CLNK: variants seen among roughly 807,000 people sequenced by gnomAD.
CLNK encodes the protein cytokine-dependent hematopoietic cell linker.
CLNK carries 74 observed loss-of-function variants against 68.6 expected under a neutral mutation model. That is an observed-to-expected ratio of 1.08 (90% CI 0.89 to 1.31). CLNK has a LOEUF of 1.31. CLNK is among the 50% of genes most tolerant of loss of function. CLNK has a pLI of 0.00. For missense variants in CLNK, 553 were observed against 515.3 expected (o/e 1.07, Z -0.71); for synonymous variants, 198 against 172.2 (o/e 1.15, Z -1.17).
the CLNK span, among the ~76,000 whole-genome samples, chr4:10,699,963 G>T: frequency 6.0e-5 from 9 of 150,992 alleles, no homozygotes; most frequent in East Asian, 1.7e-3. Context: ...ATCTGTGGTT[G>T]GTTGAAACTT....
intron 2 of CLNK, among the ~76,000 whole-genome samples, chr4:10,652,575 A>G (rs1723788553): frequency 6.6e-6 from 1 of 152,046 alleles, no homozygotes; most frequent in South Asian, 2.1e-4. Context: ...GGCAAAATAA[A>G]CTCTTCAGGA....
chr4:10,699,512 A>ATATATATTTT, the CLNK span, among the ~76,000 whole-genome samples: 37 of 32,738 alleles, frequency 1.1e-3, no homozygotes, highest in African/African-American at 2.8e-3. Context: ...ATATATATAT[A>ATATATATTTT]TTTTTTTTTT....
At chr4:10,689,383 T>C (rs1269288883), upstream of CLNK, among the ~76,000 whole-genome samples, 1 of 152,164 alleles carries the variant, frequency 6.6e-6, no homozygotes, top group African/African-American at 2.4e-5. Flanking sequence ...AATCCTCCCA[T>C]TTAGGCCTCC....
At chr4:10,495,698 C>T (rs749227936) in intron 18 of CLNK, among the ~76,000 whole-genome samples, 5 of 152,050 alleles carry the variant, frequency 3.3e-5, no homozygotes, top group Admixed American at 2.0e-4. Flanking sequence ...CCGAGGTTAT[C>T]CCAGTAGGCC....
Position 10,532,411 on chromosome 4 carries a change from A to G in CLNK, c.603-128T>C, listed in dbSNP as rs1718581131. On this transcript the variant is annotated intron_variant, in intron 11 of 18. Transcript: ENST00000226951. Reference sequence around the variant, plus strand: ...AATTAACAGCCCATAGTCCAGTGAGATATTTATCACTCTTCCATAAAACTA... The same window carrying G: ...AATTAACAGCCCATAGTCCAGTGAGGTATTTATCACTCTTCCATAAAACTA... 7 of 718,932 alleles carry G rather than the reference A, an allele frequency of 9.7e-6. No homozygotes were observed. In the East Asian group the frequency reaches 1.6e-4, roughly 17 times the overall value. The allele number at this position is 718,932 out of a possible 1,614,324, so 44.5% of individuals were successfully genotyped here.
chr4:10,721,543 T>C, the CLNK span, among the ~76,000 whole-genome samples: 1 of 152,208 alleles, frequency 6.6e-6, no homozygotes, highest in African/African-American at 2.4e-5. Context: ...CTACACTCCT[T>C]ATAGGGAAAG....
chr4:10,633,818 A>C (rs940244730), intron 2 of CLNK, among the ~76,000 whole-genome samples: 6 of 152,236 alleles, frequency 3.9e-5, no homozygotes, highest in Non-Finnish European at 7.3e-5. Flanking sequence ...GCACTTTCAC[A>C]TACAATATTT....
chr4:10,635,152 T>C (rs1723032521), intron 2 of CLNK, among the ~76,000 whole-genome samples: 1 of 152,230 alleles, frequency 6.6e-6, no homozygotes, highest in South Asian at 2.1e-4. Flanking sequence ...AAGAATTTAG[T>C]GAGAGAATTT....
Position 10,566,255 on chromosome 4 carries a change from G to A in CLNK, c.151-105C>T, listed in dbSNP as rs1276887787. 7.1e-5 allele frequency: 78 copies of A among 1,092,708 alleles called. No individual in the cohort carries two copies. The Admixed American group carries it at 1.8e-3, about 25-fold the overall frequency. 67.7% of individuals were successfully genotyped at this position (1,092,708 alleles called of 1,614,324 possible). On this transcript the variant is annotated intron_variant, in intron 5 of 18. Coordinates refer to ENST00000226951, the MANE Select transcript of CLNK (RefSeq NM_052964.4). Reference sequence around the variant, plus strand: ...ATGGGGTAGACCTTCTTAGCTGCAAGTTAAATATTTAAGAATCTAGGGTCT... The same window carrying A: ...ATGGGGTAGACCTTCTTAGCTGCAAATTAAATATTTAAGAATCTAGGGTCT...
At chr4:10,564,319 G>A (rs1026180203) in intron 7 of CLNK, among the ~76,000 whole-genome samples, 32 of 152,142 alleles carry the variant, frequency 2.1e-4, no homozygotes, top group Admixed American at 2.6e-4. Flanking sequence ...ATGTTGGGCC[G>A]AGACTCTGGG....
chr4:10,710,007 T>C, the CLNK span, among the ~76,000 whole-genome samples: 4,283 of 152,334 alleles, frequency 0.028, 90 homozygotes, highest in East Asian at 0.1. Context: ...TTGCTTACTG[T>C]TTCAAGTCTT....
intron 5 of CLNK, among the ~76,000 whole-genome samples, chr4:10,570,733 T>A (rs2108827309): frequency 6.6e-6 from 1 of 152,326 alleles, no homozygotes. Context: ...GATATGCAAG[T>A]GAAAACTATT....
At chr4:10,562,534 T>G (rs1313085159) in intron 7 of CLNK, among the ~76,000 whole-genome samples, 1 of 152,102 alleles carries the variant, frequency 6.6e-6, no homozygotes, top group Non-Finnish European at 1.5e-5. Context: ...GCCTCCTGAG[T>G]AGCTGGGACT....
At chr4:10,665,658 G>T (rs1400142212) in intron 2 of CLNK, among the ~76,000 whole-genome samples, 1 of 104,310 alleles carries the variant, frequency 9.6e-6, no homozygotes, top group Non-Finnish European at 1.9e-5. Context: ...GCAAGACTTC[G>T]TCTCAAAAAA....
At chr4:10,526,714 AT>A (rs536478016) in intron 13 of CLNK, among the ~76,000 whole-genome samples, 6 of 152,148 alleles carry the variant, frequency 3.9e-5, no homozygotes, top group African/African-American at 1.2e-4. Flanking sequence ...CAGTTTCTCA[AT>A]TTTTTCCCCC....
intron 8 of CLNK, among the ~76,000 whole-genome samples, chr4:10,544,787 G>A (rs1167084618): frequency 6.6e-6 from 1 of 152,094 alleles, no homozygotes; most frequent in Admixed American, 6.5e-5. Context: ...GAACAAAGAG[G>A]GGCATGTGGT....
chr4:10,489,072 T>G lies in CLNK; in HGVS notation c.*1395A>C, dbSNP rs1716458237. 1 of 152,138 alleles carries G rather than the reference T, an allele frequency of 6.6e-6. No individual in the cohort carries two copies. Among genetic ancestry groups the G allele is most frequent in the South Asian group, 2.1e-4 (1 of 4,832 alleles). The allele number at this position is 152,138 out of a possible 1,614,324, so 9.4% of individuals were successfully genotyped here. On this transcript the variant is annotated 3_prime_UTR_variant, in exon 19 of 19. Transcript: ENST00000226951. ...CTATCTTTCTCTCTCTCTCTCTCTT[T>G]TTTTTTAAATTAGCTTTTCAACTTG...
At chr4:10,585,067 G>A in intron 3 of CLNK, 112 bp from the exon 4 acceptor site, 1 of 1,011,780 alleles carries the variant, frequency 9.9e-7, no homozygotes, top group Non-Finnish European at 1.5e-6. Flanking sequence ...AGCCTCTGAA[G>A]CTGCTTTATG....
chr4:10,641,458 A>G (rs959774809), intron 2 of CLNK, among the ~76,000 whole-genome samples: 7 of 152,200 alleles, frequency 4.6e-5, no homozygotes, highest in Non-Finnish European at 4.4e-5. Flanking sequence ...CTCTCACTCC[A>G]GTGGAGACCC....
Sources: allele counts gnomAD v4.1 joint callset (sites outside exome capture counted in the v4.1 genomes callset), GRCh38; gene constraint gnomAD v4.1.1; transcripts MANE v1.5; gene names NCBI Gene and HGNC (gene_info 2026-07-23, HGNC 2026-07-21).